CACNA1E: variants seen among roughly 807,000 people sequenced by gnomAD.
The protein encoded by CACNA1E is calcium voltage-gated channel subunit alpha1 E, also known as voltage-dependent R-type calcium channel subunit alpha-1E.
In CACNA1E, 40 loss-of-function variants were observed where a neutral mutation model predicts 259.2. The observed-to-expected ratio is 0.15, with a 90% CI of 0.12 to 0.20. The LOEUF is 0.20. Among genes scored for constraint, CACNA1E ranks in the 10% least tolerant of loss-of-function variants. CACNA1E has a pLI of 1.00. For synonymous variants in CACNA1E, 1,104 were observed against 1,138.5 expected (o/e 0.97, Z 0.61); for missense variants, 1,874 against 3,040.1 (o/e 0.62, Z 9.02).
intron 1 of CACNA1E, among the ~76,000 whole-genome samples, chr1:181,505,896 C>T (rs561465301): frequency 3.9e-5 from 6 of 152,174 alleles, no homozygotes; most frequent in African/African-American, 1.4e-4. Flanking sequence ...TAACAGTTAC[C>T]GGGGCCCCAC....
chr1:181,620,491 T>C (rs767250107), intron 6 of CACNA1E, among the ~76,000 whole-genome samples: 4 of 152,166 alleles, frequency 2.6e-5, no homozygotes, highest in Non-Finnish European at 5.9e-5. Flanking sequence ...TTAGGTAGAG[T>C]TGACCAATGG....
intron 1 of CACNA1E, among the ~76,000 whole-genome samples, chr1:181,384,021 G>A (rs971739394): frequency 1.3e-5 from 2 of 152,224 alleles, no homozygotes; most frequent in African/African-American, 4.8e-5. Context: ...TGGAAATGGA[G>A]CGAATGTGAC....
In CACNA1E at chr1:181,425,539, C is replaced by CCG. The variant is rs1553248819; in HGVS notation, c.434+11960_434+11961dup. On this transcript the variant is annotated intron_variant, in intron 2 of 11. Transcript: ENST00000524607. Reference sequence around the variant, plus strand: ...TTGCTGTACACCCCCGCTCCCCCCCCCGACCCCAAGCAGAGTTAGACACCT... The same window carrying CCG: ...TTGCTGTACACCCCCGCTCCCCCCCCCGCGACCCCAAGCAGAGTTAGACACCT... Among the ~76,000 whole-genome samples, 319 of 130,194 alleles carry CCG rather than the reference C, an allele frequency of 2.5e-3. 4 individuals carry two copies. The highest frequency in any genetic ancestry group is 8.4e-3 in the African/African-American group (287 of 34,178). 85.4% of individuals were successfully genotyped at this position (130,194 alleles called of 152,430 possible).
rs556836561 is a variant in CACNA1E, at chr1:181,564,003, C to T, written c.513-13763C>T. Among the ~76,000 whole-genome samples, 84 of 152,288 alleles carry T rather than the reference C, an allele frequency of 5.5e-4. 1 individual carries two copies. The highest frequency in any genetic ancestry group is 1.4e-3 in the Admixed American group (21 of 15,294). On this transcript the variant is annotated intron_variant, in intron 3 of 47. Transcript: ENST00000367573. ...AAATACTTTATTGCTAAGAAATGCTCATGATTATCTAAGCATTCAGTGAGT... is the reference window on the plus strand; with the variant it reads ...AAATACTTTATTGCTAAGAAATGCTTATGATTATCTAAGCATTCAGTGAGT...
At chr1:181,432,418 G>T (rs1167962690) in intron 2 of CACNA1E, among the ~76,000 whole-genome samples, 3 of 151,818 alleles carry the variant, frequency 2.0e-5, no homozygotes, top group African/African-American at 7.3e-5. Flanking sequence ...TGAATCACAT[G>T]TACCCTAAAA....
chr1:181,511,384 C>A lies in CACNA1E; in HGVS notation c.386C>A (p.Pro129His). The A allele has an allele frequency of 6.2e-7, 1 of 1,613,990 alleles. No homozygotes were observed. Among genetic ancestry groups the A allele is most frequent in the Non-Finnish European group, 8.5e-7 (1 of 1,179,888 alleles). The change falls in exon 3 of 48, where the codon CCT (proline) becomes CAT (histidine). Residue 129 changes from proline (P) to histidine (H), a missense_variant. By Grantham distance (77) the Pro-to-His change is moderately conservative (BLOSUM62 -2). This residue lies in a region of CACNA1E where 55 missense variants were observed against 156.5 expected (regional missense o/e 0.35). Transcript: ENST00000367573. ...TCATCCCCACAGGAGAAGACAGAAC[C>A]TTATTTCATTGGGATCTTTTGCTTT... The part of the protein sequence containing the change: ...PMSRRLEKTE[P>H]YFIGIFCFEA...
intron 1 of CACNA1E, among the ~76,000 whole-genome samples, chr1:181,404,491 A>G (rs1366148489): frequency 6.6e-6 from 1 of 152,230 alleles, no homozygotes; most frequent in Non-Finnish European, 1.5e-5. Context: ...GGTTAATTAT[A>G]ACATAATTGT....
At chr1:181,378,770 GTCT>G (rs1370440191) in intron 1 of CACNA1E, among the ~76,000 whole-genome samples, 1 of 152,164 alleles carries the variant, frequency 6.6e-6, no homozygotes, top group Non-Finnish European at 1.5e-5. Context: ...ACACAGAAAA[GTCT>G]TCTTCAGTAG....
At chr1:181,681,314 C>T (rs1483715944) in intron 7 of CACNA1E, among the ~76,000 whole-genome samples, 4 of 152,216 alleles carry the variant, frequency 2.6e-5, no homozygotes, top group African/African-American at 9.6e-5. Context: ...AAATGAAGTA[C>T]TTCAAGCTTA....
At chr1:181,738,109 C>T (rs879483337) in intron 23 of CACNA1E, among the ~76,000 whole-genome samples, 1 of 152,256 alleles carries the variant, frequency 6.6e-6, no homozygotes, top group Non-Finnish European at 1.5e-5. Context: ...ACCCAAAATG[C>T]TAAGTTCTGG....
Position 181,540,604 on chromosome 1 carries a change from G to A in CACNA1E, c.512+29094G>A, listed in dbSNP as rs533509834. 6.6e-5 allele frequency among the ~76,000 whole-genome samples: 10 copies of A among 152,296 alleles called. No individual in the cohort carries two copies. In the South Asian group the frequency reaches 1.7e-3, roughly 25 times the overall value. On this transcript the variant is annotated intron_variant, in intron 3 of 47. Transcript: ENST00000367573. ...TGGTCTTCCCCTGAAAGAGCTCATA[G>A]AACGCTCATGTGAGAGGTGCCCTCC...
intron 2 of CACNA1E, among the ~76,000 whole-genome samples, chr1:181,459,328 A>C (rs1219690037): frequency 1.3e-5 from 2 of 152,276 alleles, no homozygotes; most frequent in African/African-American, 2.4e-5. Flanking sequence ...CTGAGTCAGC[A>C]CCAGGCAGCA....
intron 1 of CACNA1E, among the ~76,000 whole-genome samples, chr1:181,368,342 T>A (rs1378650042): frequency 6.6e-6 from 1 of 151,566 alleles, no homozygotes; most frequent in Non-Finnish European, 1.5e-5. Flanking sequence ...AAGGTATTTA[T>A]AACAGGGTGA....
intron 3 of CACNA1E, among the ~76,000 whole-genome samples, chr1:181,567,078 G>C (rs1186259244): frequency 6.6e-6 from 1 of 152,136 alleles, no homozygotes. Flanking sequence ...TGATTGTTGA[G>C]CTTTCTTTTG....
At chr1:181,479,203 T>C (rs1001477112), upstream of CACNA1E, among the ~76,000 whole-genome samples, 1 of 152,096 alleles carries the variant, frequency 6.6e-6, no homozygotes. Context: ...TGTGGTGAAA[T>C]TTAGTACCTC....
intron 3 of CACNA1E, among the ~76,000 whole-genome samples, chr1:181,548,202 G>A (rs980782763): frequency 6.8e-6 from 1 of 146,150 alleles, no homozygotes; most frequent in Non-Finnish European, 1.5e-5. Context: ...TCAGCTCACC[G>A]CAACCTCTGC....
chr1:181,796,630 A>G, intron 46 of CACNA1E, 38 bp from the exon 47 acceptor site: 1 of 1,467,796 alleles, frequency 6.8e-7, no homozygotes, highest in Non-Finnish European at 9.3e-7. Context: ...GTCAGAGTGG[A>G]CAGAGTTATA....
At chr1:181,517,055 G>A (rs982492690) in intron 3 of CACNA1E, among the ~76,000 whole-genome samples, 2 of 152,216 alleles carry the variant, frequency 1.3e-5, no homozygotes, top group Non-Finnish European at 2.9e-5. Context: ...TGGTGTGGGT[G>A]GAATGGGGCC....
intron 8 of CACNA1E, among the ~76,000 whole-genome samples, chr1:181,713,187 C>T (rs1350622023): frequency 6.6e-6 from 1 of 152,126 alleles, no homozygotes; most frequent in Non-Finnish European, 1.5e-5. Context: ...CCAGAGATCT[C>T]GGCAGCACCA....
Sources: gnomAD v4.1 joint callset for allele counts (sites outside exome capture counted in the v4.1 genomes callset) on GRCh38, gnomAD v4.1.1 for gene constraint, gnomAD v4.1.1 regional missense constraint, MANE v1.5 for transcripts, NCBI Gene and HGNC (gene_info 2026-07-23, HGNC 2026-07-21) for gene names.